Variants in FHIT observed in about 807,000 individuals in gnomAD.
FHIT encodes fragile histidine triad diadenosine triphosphatase.
Under a neutral mutation model 17.9 loss-of-function variants are expected in FHIT, and 19 were observed. That is an observed-to-expected ratio of 1.06 (90% CI 0.74 to 1.56). The LOEUF is 1.56. FHIT is among the 40% of genes most tolerant of loss of function. FHIT has a pLI of 0.00. For missense variants in FHIT, 248 were observed against 189.2 expected (o/e 1.31, Z -1.82); for synonymous variants, 81 against 69.7 (o/e 1.16, Z -0.81).
At chr3:60,224,067 A>G (rs568577972) in intron 5 of FHIT, among the ~76,000 whole-genome samples, 10 of 152,324 alleles carry the variant, frequency 6.6e-5, no homozygotes, top group East Asian at 5.8e-4. Context: ...ATTAACAATA[A>G]TAGCAAACTT....
At chr3:60,938,725 G>A (rs551698162) in intron 3 of FHIT, among the ~76,000 whole-genome samples, 9 of 152,126 alleles carry the variant, frequency 5.9e-5, no homozygotes, top group Non-Finnish European at 1.0e-4. Context: ...ATCCATTGCC[G>A]TAACAGAAAT....
intron 5 of FHIT, among the ~76,000 whole-genome samples, chr3:60,286,021 G>A (rs937610581): frequency 3.3e-5 from 5 of 152,162 alleles, no homozygotes; most frequent in African/African-American, 1.2e-4. Flanking sequence ...GAGAGGGTAA[G>A]TGGGTGTAGA....
chr3:61,031,019 A>G lies in FHIT; in HGVS notation c.-111+11028T>C, dbSNP rs78525260. Among the ~76,000 whole-genome samples the G allele has an allele frequency of 7.9e-4, 121 of 152,332 alleles. 3 individuals are homozygous for G. The East Asian group carries it at 0.02, about 26-fold the overall frequency. On this transcript the variant is annotated intron_variant, in intron 3 of 9. Coordinates refer to ENST00000492590, the MANE Select transcript of FHIT (RefSeq NM_002012.4). ...CATTGTCAAAGATTTGAGCACTTACATGAAACGAAATAAGGGGTCCTTGCA... is the reference window on the plus strand; with the variant it reads ...CATTGTCAAAGATTTGAGCACTTACGTGAAACGAAATAAGGGGTCCTTGCA...
At chr3:60,895,794 T>G (rs928198222) in intron 3 of FHIT, among the ~76,000 whole-genome samples, 4 of 147,762 alleles carry the variant, frequency 2.7e-5, no homozygotes, top group Admixed American at 1.4e-4. Flanking sequence ...TCAAGCTGGT[T>G]CCTGTGTCAT....
At chr3:60,925,912 C>A (rs1458548623) in intron 3 of FHIT, among the ~76,000 whole-genome samples, 2 of 152,116 alleles carry the variant, frequency 1.3e-5, no homozygotes, top group Admixed American at 6.5e-5. Context: ...CAATCCTAGT[C>A]TCTGATAAAC....
intron 5 of FHIT, among the ~76,000 whole-genome samples, chr3:60,067,532 G>C (rs56047325): frequency 3.4e-5 from 5 of 147,286 alleles, no homozygotes; most frequent in African/African-American, 1.2e-4. Context: ...CAATGCAAAG[G>C]GCTTGCTAGT....
chr3:60,952,342 G>A (rs537753609), intron 3 of FHIT, among the ~76,000 whole-genome samples: 74 of 152,312 alleles, frequency 4.9e-4, no homozygotes, highest in Non-Finnish European at 9.4e-4. Context: ...TGACAAGTCA[G>A]TGACAACTTG....
At chr3:59,911,591 C>G (rs1704878779) in intron 8 of FHIT, among the ~76,000 whole-genome samples, 1 of 152,184 alleles carries the variant, frequency 6.6e-6, no homozygotes, top group South Asian at 2.1e-4. Context: ...CTAGACTAAG[C>G]CTCATATTCC....
At chr3:61,189,111 G>C (rs1490709215) in intron 2 of FHIT, among the ~76,000 whole-genome samples, 1 of 152,100 alleles carries the variant, frequency 6.6e-6, no homozygotes, top group Admixed American at 6.6e-5. Context: ...GGAAATAAAG[G>C]GTATTGAATT....
In FHIT at chr3:61,019,644, C is replaced by T. The variant is rs184168249; in HGVS notation, c.-111+22403G>A. 2.5e-3 allele frequency among the ~76,000 whole-genome samples: 382 copies of T among 152,256 alleles called. 5 individuals are homozygous for T. The highest frequency in any genetic ancestry group is 0.01 in the Middle Eastern group (3 of 294). ...ATATAACGCTATATAGCACACTTAGCTCTCTTTATACCTTGATATTTTAAT... is the reference window on the plus strand; with the variant it reads ...ATATAACGCTATATAGCACACTTAGTTCTCTTTATACCTTGATATTTTAAT... On this transcript the variant is annotated intron_variant, in intron 3 of 9. Coordinates refer to ENST00000492590, the MANE Select transcript of FHIT (RefSeq NM_002012.4).
At chr3:60,415,703 G>A (rs1702221453) in intron 5 of FHIT, among the ~76,000 whole-genome samples, 1 of 145,188 alleles carries the variant, frequency 6.9e-6, no homozygotes. Flanking sequence ...TAGCAGTGAA[G>A]GGTAGAAACT....
intron 3 of FHIT, among the ~76,000 whole-genome samples, chr3:60,886,547 G>C (rs1335547574): frequency 6.6e-6 from 1 of 152,122 alleles, no homozygotes; most frequent in Non-Finnish European, 1.5e-5. Context: ...GTGGTTGCTA[G>C]AAACCTAGTA....
intron 5 of FHIT, among the ~76,000 whole-genome samples, chr3:60,391,441 C>T (rs1048145257): frequency 5.3e-5 from 8 of 152,130 alleles, no homozygotes; most frequent in Non-Finnish European, 8.8e-5. Flanking sequence ...ATAAAGTCTA[C>T]AGAGGCATAC....
intron 2 of FHIT, among the ~76,000 whole-genome samples, chr3:61,074,148 C>CA (rs1361398357): frequency 5.3e-5 from 8 of 152,004 alleles, no homozygotes; most frequent in Non-Finnish European, 8.8e-5. Flanking sequence ...AGGAAGAACA[C>CA]AAAAAACCCC....
At chr3:60,263,075 G>C (rs1706385391) in intron 5 of FHIT, among the ~76,000 whole-genome samples, 1 of 151,686 alleles carries the variant, frequency 6.6e-6, no homozygotes, top group South Asian at 2.1e-4. Flanking sequence ...TCGTACAAAA[G>C]AAAACATAAT....
At chr3:60,648,334 G>A (rs890396498) in intron 4 of FHIT, among the ~76,000 whole-genome samples, 6 of 152,176 alleles carry the variant, frequency 3.9e-5, no homozygotes, top group Admixed American at 1.3e-4. Flanking sequence ...CTGTGTAAGG[G>A]AATCATAAAT....
At chr3:60,732,747 C>CGAG in intron 4 of FHIT, 4 of 281,422 alleles carry the variant, frequency 1.4e-5, no homozygotes, top group Non-Finnish European at 2.0e-5. Context: ...AGTGCAGCGG[C>CGAG]ACAATCTCGG....
chr3:60,435,693 G>T (rs1169453199), intron 5 of FHIT, among the ~76,000 whole-genome samples: 2 of 151,962 alleles, frequency 1.3e-5, no homozygotes, highest in Non-Finnish European at 2.9e-5. Flanking sequence ...ACATGTGCAG[G>T]TTTCTTACAC....
rs1576836871 is a variant in FHIT at position 60,538,350 on chromosome 3, A to C, written c.-17-1371T>G. 2.0e-5 allele frequency among the ~76,000 whole-genome samples: 3 copies of C among 152,348 alleles called. No homozygotes were observed. In the East Asian group the frequency reaches 5.8e-4, roughly 29 times the overall value. ...GGATAGGAAGAACCAGTATTGAGAA[A>C]ATGGCCATACTGTCCAAGGTAATTT... On this transcript the variant is annotated intron_variant, in intron 4 of 9. Coordinates refer to ENST00000492590, the MANE Select transcript of FHIT (RefSeq NM_002012.4).
Sources: gnomAD v4.1 joint callset for allele counts (sites outside exome capture counted in the v4.1 genomes callset) on GRCh38, gnomAD v4.1.1 for gene constraint, MANE v1.5 for transcripts, NCBI Gene and HGNC (gene_info 2026-07-23, HGNC 2026-07-21) for gene names.